KIF3B: variants seen among roughly 807,000 people sequenced by gnomAD.
KIF3B encodes kinesin family member 3B.
In KIF3B, 38 loss-of-function variants were observed where a neutral mutation model predicts 74.3. The observed-to-expected ratio is 0.51, with a 90% CI of 0.39 to 0.67. The LOEUF is 0.67. Ranked by LOEUF, KIF3B falls within the 30% of genes least tolerant of loss-of-function variation. The pLI is 0.00. For missense variants in KIF3B, 649 were observed against 932.0 expected (o/e 0.70, Z 3.95); for synonymous variants, 326 against 342.5 (o/e 0.95, Z 0.53).
intron 1 of KIF3B, among the ~76,000 whole-genome samples, chr20:32,287,201 A>T (rs1212206219): frequency 6.6e-6 from 1 of 152,172 alleles, no homozygotes; most frequent in African/African-American, 2.4e-5. Context: ...ATTTTTGTAG[A>T]AACAGGGTCT....
chr20:32,285,575 A>G (rs1462269975), intron 1 of KIF3B, among the ~76,000 whole-genome samples: 1 of 152,168 alleles, frequency 6.6e-6, no homozygotes, highest in Non-Finnish European at 1.5e-5. Flanking sequence ...GAACTGGGTA[A>G]AGGCAGGATT....
At chr20:32,296,515 G>T (rs1600421196) in intron 1 of KIF3B, among the ~76,000 whole-genome samples, 1 of 151,946 alleles carries the variant, frequency 6.6e-6, no homozygotes. Context: ...CACAAGAATC[G>T]CTTGAATGGG....
chr20:32,322,963 T>C (rs1265667426), intron 5 of KIF3B, among the ~76,000 whole-genome samples: 1 of 27,276 alleles, frequency 3.7e-5, no homozygotes, highest in Non-Finnish European at 5.2e-5. Context: ...TATATATACA[T>C]ATTTATATAT....
intron 1 of KIF3B, among the ~76,000 whole-genome samples, chr20:32,296,636 C>T (rs1180309602): frequency 6.6e-6 from 1 of 152,038 alleles, no homozygotes; most frequent in Non-Finnish European, 1.5e-5. Context: ...AGTTTCTCTT[C>T]TACTTTTGGC....
At chr20:32,279,465 A>C (rs1984792) in intron 1 of KIF3B, among the ~76,000 whole-genome samples, 51,573 of 149,718 alleles carry the variant, frequency 0.34, 10,105 homozygotes, top group East Asian at 0.73. Context: ...AATAGTTGGA[A>C]TCTTTTTTTT....
chr20:32,316,900 C>T, intron 5 of KIF3B, 26 bp downstream of exon 5: 1 of 1,480,650 alleles, frequency 6.8e-7, no homozygotes, highest in Non-Finnish European at 9.4e-7. Context: ...TCCATAGTGC[C>T]CCCAAGCCAC....
rs1416596218 is a variant in KIF3B at position 32,333,652 on chromosome 20, A to AAC, written c.*2334_*2335insCA. ...CCCCTCAAAAAAAAAAAAAAAAAAA[A>AAC]AAAAAACAGAAAGAAAGAAAAAGAA... On this transcript the variant is annotated 3_prime_UTR_variant, in exon 9 of 9. Transcript: ENST00000375712. The AAC allele has an allele frequency of 2.0e-5, 3 of 151,304 alleles. No individual in the cohort carries two copies. Among genetic ancestry groups the AAC allele is most frequent in the African/African-American group, 7.3e-5 (3 of 41,124 alleles). The allele number at this position is 151,304 out of a possible 1,614,324, so 9.4% of individuals were successfully genotyped here.
At chr20:32,319,572 TTTTG>T in intron 5 of KIF3B, among the ~76,000 whole-genome samples, 2 of 141,058 alleles carry the variant, frequency 1.4e-5, no homozygotes, top group Middle Eastern at 3.7e-3. Context: ...TTTTTTTTTG[TTTTG>T]TTTTTGTTTT....
At position 32,291,105 on chromosome 20, in the gene KIF3B, A is replaced by G. The variant is rs1008493720; in HGVS notation, c.-66+13340A>G. Reference sequence around the variant, plus strand: ...AACATGGTTACCAGGGGCTAAGGAGAGGGGGAAATGGGGAATTGTTCAGTG... The same window carrying G: ...AACATGGTTACCAGGGGCTAAGGAGGGGGGGAAATGGGGAATTGTTCAGTG... On this transcript the variant is annotated intron_variant, in intron 1 of 8. Coordinates refer to ENST00000375712, the MANE Select transcript of KIF3B (RefSeq NM_004798.4). Among the ~76,000 whole-genome samples, 16 of 152,146 alleles carry G rather than the reference A, an allele frequency of 1.1e-4. No individual in the cohort carries two copies. The South Asian group carries it at 2.5e-3, about 24-fold the overall frequency.
At chr20:32,307,025 C>A (rs2047775127) in intron 1 of KIF3B, among the ~76,000 whole-genome samples, 1 of 152,064 alleles carries the variant, frequency 6.6e-6, no homozygotes, top group Non-Finnish European at 1.5e-5. Context: ...GCATATATCC[C>A]CCCTTTTCTT....
At chr20:32,304,704 T>C (rs1430922091) in intron 1 of KIF3B, among the ~76,000 whole-genome samples, 1 of 152,186 alleles carries the variant, frequency 6.6e-6, no homozygotes, top group Non-Finnish European at 1.5e-5. Context: ...GATAAATGTG[T>C]ATTAATACAT....
intron 7 of KIF3B, among the ~76,000 whole-genome samples, chr20:32,328,028 G>C (rs539301552): frequency 4.0e-5 from 6 of 151,756 alleles, no homozygotes; most frequent in African/African-American, 1.5e-4. Context: ...CTGAGCCCAG[G>C]AGGCAGAGGC....
Position 32,329,415 on chromosome 20 carries a change from T to A in KIF3B, c.1969-726T>A, listed in dbSNP as rs562434967. Among the ~76,000 whole-genome samples, 3 of 150,916 alleles carry A rather than the reference T, an allele frequency of 2.0e-5. No homozygotes were observed. In the East Asian group the frequency reaches 5.9e-4, roughly 30 times the overall value. On this transcript the variant is annotated intron_variant, in intron 7 of 8. Coordinates refer to ENST00000375712, the MANE Select transcript of KIF3B (RefSeq NM_004798.4). Reference sequence around the variant, plus strand: ...CCCAAGCTGGAGTGCTGTAGCACAGTCATAGCTCGCTGTATCCTCAGACTC... The same window carrying A: ...CCCAAGCTGGAGTGCTGTAGCACAGACATAGCTCGCTGTATCCTCAGACTC...
intron 8 of KIF3B, among the ~76,000 whole-genome samples, chr20:32,331,010 T>G (rs955602244): frequency 1.3e-5 from 2 of 152,212 alleles, no homozygotes; most frequent in Admixed American, 1.3e-4. Context: ...TTGCTAAGCA[T>G]CAGAGTCTCC....
chr20:32,322,757 TTTATATA>T lies in KIF3B; in HGVS notation c.1749-4012_1749-4006del, dbSNP rs1600436720. On this transcript the variant is annotated intron_variant, in intron 5 of 8. Transcript: ENST00000375712. ...TTATATATATTTATTTATATATATA[TTTATATA>T]TATTTATATATATATTTATATATAT... Among the ~76,000 whole-genome samples, 16 of 49,062 alleles carry T rather than the reference TTTATATA, an allele frequency of 3.3e-4. 6 individuals carry two copies. The highest frequency in any genetic ancestry group is 1.9e-3 in the African/African-American group (14 of 7,322). 32.2% of individuals were successfully genotyped at this position (49,062 alleles called of 152,430 possible).
intron 1 of KIF3B, among the ~76,000 whole-genome samples, chr20:32,305,102 C>T (rs1368720763): frequency 1.3e-5 from 2 of 151,816 alleles, no homozygotes; most frequent in Non-Finnish European, 2.9e-5. Context: ...GAGCCGAGAT[C>T]GCACCACTGC....
chr20:32,328,702 G>A (rs1255859711), intron 7 of KIF3B, among the ~76,000 whole-genome samples: 1 of 152,040 alleles, frequency 6.6e-6, no homozygotes, highest in Non-Finnish European at 1.5e-5. Flanking sequence ...CTTCAAAATG[G>A]CTCTGTGGGA....
chr20:32,325,653 C>CTTTTTTTTTTTTTTTTTTTT (rs200570783), intron 5 of KIF3B, among the ~76,000 whole-genome samples: 1 of 90,304 alleles, frequency 1.1e-5, no homozygotes, highest in African/African-American at 3.9e-5. Context: ...CTCTCTCTCT[C>CTTTTTTTTTTTTTTTTTTTT]TCTTTTTTTT....
chr20:32,306,084 C>A, intron 1 of KIF3B, among the ~76,000 whole-genome samples: 1 of 101,294 alleles, frequency 9.9e-6, no homozygotes, highest in Non-Finnish European at 2.0e-5. Context: ...AAGACTCCAT[C>A]TGAAAAAAAA....
Sources: gnomAD v4.1 joint callset for allele counts (sites outside exome capture counted in the v4.1 genomes callset) on GRCh38, gnomAD v4.1.1 for gene constraint, MANE v1.5 for transcripts, NCBI Gene and HGNC (gene_info 2026-07-23, HGNC 2026-07-21) for gene names.